TYK2: variants seen among roughly 807,000 people sequenced by gnomAD.
TYK2 encodes non-receptor tyrosine-protein kinase TYK2.
Under a neutral mutation model 130.9 loss-of-function variants are expected in TYK2, and 65 were observed. The ratio of observed to expected loss-of-function variants is 0.50; its 90% CI spans 0.41 to 0.61. The LOEUF (loss-of-function observed/expected upper bound fraction) is 0.61. TYK2 is among the 20% of genes least tolerant of loss of function. TYK2 has a pLI of 0.00. For missense variants in TYK2, 1,378 were observed against 1,610.7 expected (o/e 0.86, Z 2.47); for synonymous variants, 647 against 658.9 (o/e 0.98, Z 0.28).
chr19:10,365,066 G>T lies in TYK2; in HGVS notation c.1012-18C>A. 6.3e-7 allele frequency: 1 copy of T among 1,593,798 alleles called. No homozygotes were observed. ...CTAGAACCCTGAACACCCAGCAAGTGGGGCAGAGGATGGAGAGGGCAATGC... is the reference window on the plus strand; with the variant it reads ...CTAGAACCCTGAACACCCAGCAAGTTGGGCAGAGGATGGAGAGGGCAATGC... On this transcript the variant is annotated intron_variant, in intron 7 of 24. Transcript: ENST00000525621.
At position 10,364,578 on chromosome 19, in the gene TYK2, GGCGGTGGCCCCCA is replaced by G. The variant is rs1325510617; in HGVS notation, c.1367+23_1367+35del. 6.2e-7 allele frequency: 1 copy of G among 1,612,094 alleles called. No homozygotes were observed. Among genetic ancestry groups the G allele is most frequent in the Non-Finnish European group, 8.5e-7 (1 of 1,179,060 alleles). On this transcript the variant is annotated intron_variant, in intron 9 of 24. Transcript: ENST00000525621. The surrounding 1 kb of genome is among the most constrained non-coding windows in gnomAD (Gnocchi z 4.9). ...GGCTCACAGTCTAGTTGGCACCCTT[GGCGGTGGCCCCCA>G]GCGCCCCCCACCCAGCACTCACAGC...
In TYK2 at chr19:10,364,917, C is replaced by T; in HGVS notation, c.1143G>A (p.Arg381=). 2 of 1,614,208 alleles carry T rather than the reference C, an allele frequency of 1.2e-6. No individual in the cohort carries two copies. The highest frequency in any genetic ancestry group is 1.7e-6 in the Non-Finnish European group (2 of 1,180,044). ...CTTTCAGCACCACGTGGGTGATGTC[C>T]CGGAAGTCACAGAAGTAGGCCCACA... is the stretch of plus-strand genomic sequence containing the variant. ...EPLWAYFCDF[R]DITHVVLKEH... Residue 381 remains arginine, a synonymous_variant, in exon 8 of 25, where the codon CGG becomes CGA. Coordinates refer to ENST00000525621, the MANE Select transcript of TYK2 (RefSeq NM_003331.5). The surrounding 1 kb of genome is among the most constrained non-coding windows in gnomAD (Gnocchi z 4.9).
At chr19:10,379,426 G>A (rs189221902) in intron 2 of TYK2, among the ~76,000 whole-genome samples, 189 bp downstream of exon 2, 3 of 150,776 alleles carry the variant, frequency 2.0e-5, no homozygotes, top group South Asian at 2.1e-4. Flanking sequence ...ACTTTGGGAG[G>A]CCAAGGCGGA....
Position 10,359,776 on chromosome 19 carries a change from G to C in TYK2, c.2048-474C>G, listed in dbSNP as rs550429408. Reference sequence around the variant, plus strand: ...GGGCGGATCACAAGTTCAGGAGTTCGAGACCAGCCTGGTCAATATGGTGAA... The same window carrying C: ...GGGCGGATCACAAGTTCAGGAGTTCCAGACCAGCCTGGTCAATATGGTGAA... On this transcript the variant is annotated intron_variant, in intron 14 of 24. Coordinates refer to ENST00000525621, the MANE Select transcript of TYK2 (RefSeq NM_003331.5). Among the ~76,000 whole-genome samples, 2 of 151,744 alleles carry C rather than the reference G, an allele frequency of 1.3e-5. 1 individual carries two copies. Among genetic ancestry groups the C allele is most frequent in the Admixed American group, 1.3e-4 (2 of 15,210 alleles).
In TYK2 at chr19:10,378,598, G is replaced by A. The variant is rs539118437; in HGVS notation, c.-20-172C>T. The A allele has an allele frequency of 2.1e-5, 13 of 617,878 alleles. No homozygotes were observed. In the East Asian group the frequency reaches 3.3e-4, roughly 16 times the overall value. The allele number at this position is 617,878 out of a possible 1,614,324, so 38.3% of individuals were successfully genotyped here. Reference sequence around the variant, plus strand: ...TGAGTCTCGTTTTCCACATTTATTGGACAGGGTTGGGGTATGCATCCCCAC... The same window carrying A: ...TGAGTCTCGTTTTCCACATTTATTGAACAGGGTTGGGGTATGCATCCCCAC... On this transcript the variant is annotated intron_variant, in intron 2 of 24. Transcript: ENST00000525621.
intron 17 of TYK2, chr19:10,357,304 G>A (rs568221274): frequency 6.0e-5 from 35 of 586,248 alleles, no homozygotes; most frequent in African/African-American, 3.7e-4. Context: ...CAGGAGAATC[G>A]CTTGAACCCA....
chr19:10,354,073 G>C lies in TYK2; in HGVS notation c.2877C>G (p.Ile959Met). Residue 959 changes from isoleucine to methionine, a missense_variant, in exon 20 of 25, where the codon ATC becomes ATG. Coordinates refer to ENST00000525621, the MANE Select transcript of TYK2 (RefSeq NM_003331.5). ...CCTCGCAGCAGCCCTTGTACTTGATGATGTGCTCGTGGTAGAGCGTGCGCA... is the reference window on the plus strand; with the variant it reads ...CCTCGCAGCAGCCCTTGTACTTGATCATGTGCTCGTGGTAGAGCGTGCGCA... ...DILRTLYHEH[I>M]IKYKGCCEDQ... The C allele has an allele frequency of 6.2e-7, 1 of 1,614,118 alleles. No homozygotes were observed. Among genetic ancestry groups the C allele is most frequent in the Non-Finnish European group, 8.5e-7 (1 of 1,180,036 alleles).
intron 14 of TYK2, 118 bp from the exon 15 acceptor site, chr19:10,359,420 G>A (rs924698025): frequency 2.9e-5 from 36 of 1,258,384 alleles, no homozygotes; most frequent in Admixed American, 5.9e-5. Flanking sequence ...TCAGGGCAGA[G>A]GTGTGGGTGG....
At position 10,366,586 on chromosome 19, in the gene TYK2, A is replaced by G; in HGVS notation, c.466-6T>C. 1 of 1,614,030 alleles carries G rather than the reference A, an allele frequency of 6.2e-7. No individual in the cohort carries two copies. The highest frequency in any genetic ancestry group is 8.5e-7 in the Non-Finnish European group (1 of 1,180,018). ...TTCACAAACTCATGCTTGCCCTGGG[A>G]ACAGGAAATTGAGCAGAAAGGGAGG... On this transcript the variant is annotated splice_polypyrimidine_tract_variant and splice_region_variant and intron_variant, in intron 5 of 24. Transcript: ENST00000525621.
rs772460702 is a variant in TYK2 at position 10,353,624 on chromosome 19, G to A, written c.2931C>T (p.Val977=). 5.4e-6 allele frequency: 8 copies of A among 1,476,430 alleles called. No homozygotes were observed. The South Asian group carries it at 1.0e-4, about 19-fold the overall frequency. 91.5% of individuals were successfully genotyped at this position (1,476,430 alleles called of 1,614,324 possible). A position where few individuals can be genotyped will look rare whatever the true frequency, so the allele number is the denominator to read the frequency against. The part of the protein sequence containing the change: ...EDQGEKSLQL[V]MEYVPLGSLR... The stretch of plus-strand genomic sequence containing the variant: ...GGCTGCCCAGGGGCACGTACTCCAT[G>A]ACCAGCTGCAGCGACTTCTCGCCTG... The change falls in exon 21 of 25, where the codon GTC becomes GTT. Residue 977 remains valine (V), a synonymous_variant. Transcript: ENST00000525621. The surrounding 1 kb of genome is among the most constrained non-coding windows in gnomAD (Gnocchi z 6.9).
chr19:10,353,616 T>C lies in TYK2; in HGVS notation c.2939A>G (p.Tyr980Cys), dbSNP rs780731468. ...GEKSLQLVME[Y>C]VPLGSLRDYL... ...GTCTCGGAGGCTGCCCAGGGGCACG[T>C]ACTCCATGACCAGCTGCAGCGACTT... Residue 980 changes from tyrosine to cysteine, a missense_variant, in exon 21 of 25, where the codon TAC becomes TGC. Tyr to Cys is a radical substitution (Grantham distance 194). Coordinates refer to ENST00000525621, the MANE Select transcript of TYK2 (RefSeq NM_003331.5). The surrounding 1 kb of genome is among the most constrained non-coding windows in gnomAD (Gnocchi z 6.9). 6.8e-7 allele frequency: 1 copy of C among 1,478,862 alleles called. No homozygotes were observed. Among genetic ancestry groups the C allele is most frequent in the Non-Finnish European group, 9.0e-7 (1 of 1,113,386 alleles). 91.6% of individuals were successfully genotyped at this position (1,478,862 alleles called of 1,614,324 possible).
intron 15 of TYK2, among the ~76,000 whole-genome samples, chr19:10,358,880 T>C (rs1406538801): frequency 2.0e-5 from 3 of 149,722 alleles, no homozygotes; most frequent in Non-Finnish European, 4.4e-5. Context: ...CTGACCAACA[T>C]GGTGAAACCC....
rs774138142 is a variant in TYK2, at chr19:10,350,993, G to C, written c.3430-25C>G. 15 of 1,614,158 alleles carry C rather than the reference G, an allele frequency of 9.3e-6. No homozygotes were observed. The East Asian group carries it at 1.1e-4, about 12-fold the overall frequency. On this transcript the variant is annotated intron_variant, in intron 24 of 24. Coordinates refer to ENST00000525621, the MANE Select transcript of TYK2 (RefSeq NM_003331.5). ...CCTAGAAGGAAAAACCAGGGCTGGT[G>C]GGGGCTGCCCTCTCCACAGCAGGAT...
rs1037178779 is a variant in TYK2, at chr19:10,378,530, G to A, written c.-20-104C>T. ...AGCTAAGGCCTGAGGGGAAGATTCT[G>A]GGCTCCCATCTTGGCATGACATTAG... On this transcript the variant is annotated intron_variant, in intron 2 of 24. Coordinates refer to ENST00000525621, the MANE Select transcript of TYK2 (RefSeq NM_003331.5). 7 of 910,662 alleles carry A rather than the reference G, an allele frequency of 7.7e-6. No individual in the cohort carries two copies. The African/African-American group carries it at 1.2e-4, about 15-fold the overall frequency. The allele number at this position is 910,662 out of a possible 1,614,324, so 56.4% of individuals were successfully genotyped here. A position where few individuals can be genotyped will look rare whatever the true frequency, so the allele number is the denominator to read the frequency against.
Position 10,352,501 on chromosome 19 carries a change from A to T in TYK2, c.3251T>A (p.Val1084Asp). The change falls in exon 23 of 25, where the codon GTC becomes GAC. Residue 1084 changes from valine (V) to aspartate (D), a missense_variant. Transcript: ENST00000525621. ...KEYKFYYASD[V>D]WSFGVTLYEL... The stretch of plus-strand genomic sequence containing the variant: ...ATACAGGGTCACCCCGAAGGACCAG[A>T]CATCTGACGCATAGTAGAACTTATA... 1 of 1,601,924 alleles carries T rather than the reference A, an allele frequency of 6.2e-7. No individual in the cohort carries two copies. Among genetic ancestry groups the T allele is most frequent in the Non-Finnish European group, 8.5e-7 (1 of 1,173,128 alleles).
intron 3 of TYK2, among the ~76,000 whole-genome samples, chr19:10,376,703 A>G (rs2042131758): frequency 6.6e-6 from 1 of 151,600 alleles, no homozygotes; most frequent in South Asian, 2.1e-4. Flanking sequence ...CCCAGGTTCA[A>G]GCTATTCTCC....
chr19:10,354,260 C>T, intron 19 of TYK2, 26 bp from the exon 20 acceptor site: 2 of 1,607,314 alleles, frequency 1.2e-6, no homozygotes, highest in Non-Finnish European at 1.7e-6. Context: ...CGAGGGTCAG[C>T]TCCACCTCCC....
At chr19:10,368,546 TCACGTTGCCCCTGG>T in intron 3 of TYK2, 128 bp from the exon 4 acceptor site, 1 of 1,413,044 alleles carries the variant, frequency 7.1e-7, no homozygotes, top group Non-Finnish European at 9.8e-7. Context: ...AGCTTCAGTC[TCACGTTGCCCCTGG>T]GCAGAGGACA....
At chr19:10,378,719 G>A (rs554862595) in intron 2 of TYK2, among the ~76,000 whole-genome samples, 2 of 152,276 alleles carry the variant, frequency 1.3e-5, no homozygotes, top group South Asian at 2.1e-4. Context: ...AGTGGCTCAC[G>A]CCTCTAATCC....
Sources: gnomAD v4.1 joint callset for allele counts (sites outside exome capture counted in the v4.1 genomes callset) on GRCh38, gnomAD v4.1.1 for gene constraint, Gnocchi (gnomAD v3.1) non-coding constraint, MANE v1.5 for transcripts, NCBI Gene and HGNC (gene_info 2026-07-23, HGNC 2026-07-21) for gene names.